The following PTPRA variants were observed in gnomAD, a reference collection of about 807,000 sequenced individuals.
The protein encoded by PTPRA is protein tyrosine phosphatase receptor type A.
Under a neutral mutation model 104.8 loss-of-function variants are expected in PTPRA, and 25 were observed. The ratio of observed to expected loss-of-function variants is 0.24; its 90% CI spans 0.17 to 0.33. PTPRA has a LOEUF of 0.33. Among genes scored for constraint, PTPRA ranks in the 10% least tolerant of loss-of-function variants. The pLI is 1.00. For missense variants in PTPRA, 765 were observed against 1,015.3 expected (o/e 0.75, Z 3.35); for synonymous variants, 323 against 368.9 (o/e 0.88, Z 1.43).
At chr20:2,924,458 T>C (rs1268414149) in intron 2 of PTPRA, among the ~76,000 whole-genome samples, 2 of 152,068 alleles carry the variant, frequency 1.3e-5, no homozygotes, top group Non-Finnish European at 2.9e-5. Flanking sequence ...TTTTATTCAG[T>C]AATAGAAAGG....
At position 3,022,405 on chromosome 20, in the gene PTPRA, G is replaced by T. The variant is rs1352644791; in HGVS notation, c.1328+185G>T. On this transcript the variant is annotated intron_variant, in intron 15 of 23. Coordinates refer to ENST00000399903, the MANE Select transcript of PTPRA (RefSeq NM_001385305.1). The surrounding 1 kb of genome is among the most constrained non-coding windows in gnomAD (Gnocchi z 4.6). ...GTGGAGAATATGACTTGAGGAAGGA[G>T]GGTAGGGCAGTCCTCCAAGATTAGG... 6.6e-6 allele frequency among the ~76,000 whole-genome samples: 1 copy of T among 152,252 alleles called. No homozygotes were observed. The highest frequency in any genetic ancestry group is 1.5e-5 in the Non-Finnish European group (1 of 68,040).
intron 9 of PTPRA, among the ~76,000 whole-genome samples, chr20:2,993,824 T>G (rs954909447): frequency 6.6e-6 from 1 of 152,192 alleles, no homozygotes; most frequent in Non-Finnish European, 1.5e-5. Flanking sequence ...GCCAATGTTA[T>G]TGAAAATCAA....
At chr20:2,949,158 A>G (rs2061263997) in intron 3 of PTPRA, among the ~76,000 whole-genome samples, 1 of 152,026 alleles carries the variant, frequency 6.6e-6, no homozygotes, top group African/African-American at 2.4e-5. Flanking sequence ...TTTACACATG[A>G]TTAGTTCTTG....
chr20:3,021,958 C>A, intron 14 of PTPRA, 96 bp from the exon 15 acceptor site: 1 of 1,464,866 alleles, frequency 6.8e-7, no homozygotes, highest in South Asian at 1.3e-5. Flanking sequence ...CTTACTTTTC[C>A]ATTGTCACTG....
chr20:3,006,269 C>T (rs533564589), intron 10 of PTPRA, among the ~76,000 whole-genome samples: 2 of 152,120 alleles, frequency 1.3e-5, no homozygotes, highest in South Asian at 4.1e-4. Flanking sequence ...GATATGTATC[C>T]TCGAATTCCT....
At chr20:2,978,470 G>T (rs1413490505) in intron 6 of PTPRA, among the ~76,000 whole-genome samples, 1 of 152,184 alleles carries the variant, frequency 6.6e-6, no homozygotes, top group Non-Finnish European at 1.5e-5. Flanking sequence ...GGGGCTATAG[G>T]ACTATGGCTA....
rs550802616 is a variant in PTPRA at position 2,972,158 on chromosome 20, G to A, written c.416-3057G>A. Among the ~76,000 whole-genome samples, 11 of 152,054 alleles carry A rather than the reference G, an allele frequency of 7.2e-5. No homozygotes were observed. In the East Asian group the frequency reaches 2.1e-3, roughly 29 times the overall value. Reference sequence around the variant, plus strand: ...TTTATTTATTCATTTTTTAGAGACAGGGTCTTGCTCTGAATTAATTCTTTA... The same window carrying A: ...TTTATTTATTCATTTTTTAGAGACAAGGTCTTGCTCTGAATTAATTCTTTA... On this transcript the variant is annotated intron_variant, in intron 5 of 23. Transcript: ENST00000399903.
At chr20:2,998,388 T>C (rs556638284) in intron 9 of PTPRA, among the ~76,000 whole-genome samples, 1 of 152,132 alleles carries the variant, frequency 6.6e-6, no homozygotes, top group South Asian at 2.1e-4. Flanking sequence ...TGAGTTGAGA[T>C]GGGTGAAATC....
chr20:3,038,022 A>G, intron 23 of PTPRA, 37 bp from the exon 24 acceptor site: 7 of 1,534,812 alleles, frequency 4.6e-6, no homozygotes, highest in Middle Eastern at 1.7e-4. Context: ...TGTGTTCTTC[A>G]GTAACCCTGA....
chr20:2,949,761 G>C (rs1028210818), intron 3 of PTPRA, among the ~76,000 whole-genome samples: 1 of 151,600 alleles, frequency 6.6e-6, no homozygotes, highest in Non-Finnish European at 1.5e-5. Flanking sequence ...GTTAAGGAAG[G>C]TTTCTTCTAT....
Position 3,035,813 on chromosome 20 carries a change from G to A in PTPRA, c.2070G>A (p.Arg690=). The A allele has an allele frequency of 6.2e-7, 1 of 1,614,216 alleles. No homozygotes were observed. Among genetic ancestry groups the A allele is most frequent in the South Asian group, 1.1e-5 (1 of 91,088 alleles). Reference sequence around the variant, plus strand: ...AGGAGAATAAGAGCCGGCAGATCCGGCAGTTCCACTTCCATGGCTGGCCTG... The same window carrying A: ...AGGAGAATAAGAGCCGGCAGATCCGACAGTTCCACTTCCATGGCTGGCCTG... ...NTRENKSRQI[R]QFHFHGWPEV... The change falls in exon 22 of 24, where the codon CGG becomes CGA. Residue 690 remains arginine (R), a synonymous_variant. Transcript: ENST00000399903. The surrounding 1 kb of genome is among the most constrained non-coding windows in gnomAD (Gnocchi z 5.8).
chr20:3,019,245 C>T (rs1344989931), intron 13 of PTPRA, among the ~76,000 whole-genome samples: 2 of 144,662 alleles, frequency 1.4e-5, no homozygotes, highest in East Asian at 2.1e-4. Flanking sequence ...GCTGGCCGGG[C>T]GGGGGGCTGA....
intron 1 of PTPRA, among the ~76,000 whole-genome samples, chr20:2,878,041 C>G (rs56751570): frequency 6.6e-6 from 1 of 151,934 alleles, no homozygotes; most frequent in African/African-American, 2.4e-5. Flanking sequence ...ATCCCAGCTA[C>G]TCGGGAGGCT....
In PTPRA at chr20:2,958,658, TAAAAAAAAAAAAA is replaced by T. The variant is rs71195806; in HGVS notation, c.-6-5599_-6-5587del. Among the ~76,000 whole-genome samples the T allele has an allele frequency of 8.7e-3, 540 of 62,290 alleles. 1 individual carries two copies. The highest frequency in any genetic ancestry group is 0.044 in the Middle Eastern group (3 of 68). The allele number at this position is 62,290 out of a possible 152,430, so 40.9% of individuals were successfully genotyped here. ...CAACATGGTGAAACCCCATCTCTAC[TAAAAAAAAAAAAA>T]AAAAAAAAAAAAAAGAAATACAAAA... On this transcript the variant is annotated intron_variant, in intron 3 of 23. Transcript: ENST00000399903.
the PTPRA span, chr20:2,866,017 G>A: frequency 5.0e-6 from 3 of 605,826 alleles, no homozygotes; most frequent in African/African-American, 3.7e-5. Context: ...CAGAGCTTTG[G>A]TTTAGGTGAT....
intron 6 of PTPRA, among the ~76,000 whole-genome samples, chr20:2,975,528 G>A (rs1295910312): frequency 6.6e-6 from 1 of 152,078 alleles, no homozygotes; most frequent in African/African-American, 2.4e-5. Context: ...ATTACTTTTT[G>A]GTGATATTAG....
chr20:2,865,103 T>A, the PTPRA span: 1 of 1,614,158 alleles, frequency 6.2e-7, no homozygotes, highest in South Asian at 1.1e-5. This position sits in a 1 kb window ranked among gnomAD's most constrained non-coding sequence, Gnocchi z 5.2. Flanking sequence ...TGGTCTTCCC[T>A]CCTGGTCCCT....
rs975525421 is a variant in PTPRA at position 3,022,953 on chromosome 20, AAGAT to A, written c.1464+134_1464+137del. On this transcript the variant is annotated intron_variant, in intron 16 of 23. Transcript: ENST00000399903. The surrounding 1 kb of genome is among the most constrained non-coding windows in gnomAD (Gnocchi z 4.6). The stretch of plus-strand genomic sequence containing the variant: ...ATAGAGTGTGATTGTGGGGGAAAGA[AAGAT>A]AGATCACACTGTTACCGTGTCTATG... 8 of 1,412,462 alleles carry A rather than the reference AAGAT, an allele frequency of 5.7e-6. No individual in the cohort carries two copies. Among genetic ancestry groups the A allele is most frequent in the Admixed American group, 4.3e-5 (2 of 46,484 alleles). The allele number at this position is 1,412,462 out of a possible 1,614,324, so 87.5% of individuals were successfully genotyped here. A position where few individuals can be genotyped will look rare whatever the true frequency, so the allele number is the denominator to read the frequency against.
chr20:2,896,796 G>A (rs549566715), intron 1 of PTPRA, among the ~76,000 whole-genome samples: 2 of 152,252 alleles, frequency 1.3e-5, no homozygotes, highest in South Asian at 4.1e-4. Flanking sequence ...AACAAAAGCA[G>A]AAAAACTTCC....
Sources: allele counts gnomAD v4.1 joint callset (sites outside exome capture counted in the v4.1 genomes callset), GRCh38; gene constraint gnomAD v4.1.1; non-coding constraint Gnocchi (gnomAD v3.1); transcripts MANE v1.5; gene names NCBI Gene and HGNC (gene_info 2026-07-23, HGNC 2026-07-21).